The following PCDH15 variants were observed in gnomAD, a reference collection of about 807,000 sequenced individuals.
The protein encoded by PCDH15 is protocadherin related 15.
In PCDH15, 129 loss-of-function variants were observed where a neutral mutation model predicts 178.5. The ratio of observed to expected loss-of-function variants is 0.72; its 90% CI spans 0.63 to 0.84. The LOEUF is 0.84. PCDH15 is among the 40% of genes least tolerant of loss of function. The probability of loss-of-function intolerance (pLI) is 0.00; values close to 1 mark genes in which losing one functional copy is unlikely to be tolerated. For missense variants in PCDH15, 2,230 were observed against 2,099.9 expected (o/e 1.06, Z -1.21); for synonymous variants, 800 against 732.0 (o/e 1.09, Z -1.50).
chr10:54,846,314 G>T (rs1379239956), intron 3 of PCDH15, among the ~76,000 whole-genome samples: 2 of 152,028 alleles, frequency 1.3e-5, no homozygotes, highest in East Asian at 3.9e-4. Context: ...AATTTTTTAG[G>T]TCAACTATTA....
chr10:55,605,290 G>C (rs1298731771), intron 2 of PCDH15, among the ~76,000 whole-genome samples: 2 of 152,152 alleles, frequency 1.3e-5, no homozygotes, highest in African/African-American at 2.4e-5. Flanking sequence ...GGACCAGATG[G>C]ATTCACAGTC....
chr10:54,947,601 ATG>A (rs368636405), intron 2 of PCDH15, among the ~76,000 whole-genome samples: 44 of 151,774 alleles, frequency 2.9e-4, no homozygotes, highest in African/African-American at 1.0e-3. Flanking sequence ...ATGTCTATAT[ATG>A]TGTGTGTGTG....
At chr10:54,234,181 G>A (rs530273486) in intron 9 of PCDH15, among the ~76,000 whole-genome samples, 25 of 139,228 alleles carry the variant, frequency 1.8e-4, no homozygotes, top group Admixed American at 7.1e-5. Context: ...TGTGTGCTGT[G>A]TCTGGTTTTT....
At chr10:54,755,579 G>A (rs1946958348) in intron 1 of PCDH15, among the ~76,000 whole-genome samples, 1 of 152,002 alleles carries the variant, frequency 6.6e-6, no homozygotes, top group African/African-American at 2.4e-5. Context: ...GGAATAAACA[G>A]GGAAGAGAAA....
At chr10:55,167,769 A>C (rs1035307431) in intron 1 of PCDH15, among the ~76,000 whole-genome samples, 1 of 152,152 alleles carries the variant, frequency 6.6e-6, no homozygotes, top group Non-Finnish European at 1.5e-5. Flanking sequence ...TATGGAAAAC[A>C]AAACAATGAT....
chr10:55,235,157 A>T (rs1433834403), intron 1 of PCDH15, among the ~76,000 whole-genome samples: 7 of 152,076 alleles, frequency 4.6e-5, no homozygotes, highest in Admixed American at 3.9e-4. Flanking sequence ...TATTATAATA[A>T]TTTAAATTAG....
At chr10:54,239,766 C>CTATA (rs573196186) in intron 8 of PCDH15, among the ~76,000 whole-genome samples, 10 of 151,852 alleles carry the variant, frequency 6.6e-5, no homozygotes, top group Non-Finnish European at 7.4e-5. Flanking sequence ...TTATCTTGTC[C>CTATA]TATAGAGACT....
intron 20 of PCDH15, among the ~76,000 whole-genome samples, chr10:53,996,295 T>G (rs544887533): frequency 6.6e-6 from 1 of 152,274 alleles, no homozygotes; most frequent in African/African-American, 2.4e-5. Context: ...TGCAGCGCAC[T>G]AAAATAATGA....
intron 2 of PCDH15, among the ~76,000 whole-genome samples, chr10:55,391,698 G>C (rs1202446834): frequency 6.6e-6 from 1 of 151,976 alleles, no homozygotes; most frequent in African/African-American, 2.4e-5. Flanking sequence ...ATGTTGGCCA[G>C]GCTGGTCTCA....
In PCDH15 at chr10:54,162,757, G is replaced by GT. The variant is rs2045841280; in HGVS notation, c.1591-9465dup. ...GGATTGTATCACTTGGGCCTTTTTCGTTGGTTATATTTATCCTAATTTTAC... is the reference window on the plus strand; with the variant it reads ...GGATTGTATCACTTGGGCCTTTTTCGTTTGGTTATATTTATCCTAATTTTAC... On this transcript the variant is annotated intron_variant, in intron 13 of 37. Transcript: ENST00000644397. Among the ~76,000 whole-genome samples the GT allele has an allele frequency of 2.0e-5, 3 of 152,194 alleles. No individual in the cohort carries two copies. The South Asian group carries it at 6.2e-4, about 32-fold the overall frequency.
At chr10:54,245,992 A>T (rs2131996827) in intron 8 of PCDH15, among the ~76,000 whole-genome samples, 1 of 152,076 alleles carries the variant, frequency 6.6e-6, no homozygotes, top group Admixed American at 6.5e-5. Flanking sequence ...ATAATTATAA[A>T]TTCCAGGAAA....
chr10:55,472,866 C>T (rs1381611621), intron 2 of PCDH15, among the ~76,000 whole-genome samples: 1 of 152,178 alleles, frequency 6.6e-6, no homozygotes, highest in East Asian at 1.9e-4. Flanking sequence ...CGAAAACCTT[C>T]CTTGAAAATC....
At chr10:55,393,884 T>G (rs1837859489) in intron 2 of PCDH15, among the ~76,000 whole-genome samples, 1 of 152,200 alleles carries the variant, frequency 6.6e-6, no homozygotes, top group Non-Finnish European at 1.5e-5. Context: ...CCACCTCATT[T>G]TAATGTCAAA....
chr10:55,052,908 G>A (rs558163462), intron 2 of PCDH15, among the ~76,000 whole-genome samples: 1 of 152,206 alleles, frequency 6.6e-6, no homozygotes, highest in African/African-American at 2.4e-5. Context: ...AGTAAACTCA[G>A]GCTGACATAG....
At chr10:54,989,596 G>C (rs1030901174) in intron 2 of PCDH15, among the ~76,000 whole-genome samples, 1 of 152,126 alleles carries the variant, frequency 6.6e-6, no homozygotes, top group Non-Finnish European at 1.5e-5. Flanking sequence ...ACTTGCATGG[G>C]GCCTGTAGCC....
chr10:54,338,896 A>G, intron 6 of PCDH15, among the ~76,000 whole-genome samples: 1 of 152,040 alleles, frequency 6.6e-6, no homozygotes, highest in Non-Finnish European at 1.5e-5. Flanking sequence ...AGACATGATA[A>G]TTATTGTCTA....
chr10:55,461,516 A>G (rs949713570), intron 2 of PCDH15, among the ~76,000 whole-genome samples: 5 of 132,178 alleles, frequency 3.8e-5, no homozygotes, highest in African/African-American at 6.2e-5. Context: ...TTGACAATGC[A>G]TATGAGCTTA....
intron 35 of PCDH15, among the ~76,000 whole-genome samples, chr10:53,814,768 A>G (rs1295549117): frequency 6.6e-6 from 1 of 152,096 alleles, no homozygotes; most frequent in Non-Finnish European, 1.5e-5. Flanking sequence ...GACAGAGACC[A>G]TCCTGGCCAA....
At chr10:54,257,174 ATATAAT>A (rs1243662036) in intron 8 of PCDH15, among the ~76,000 whole-genome samples, 3 of 152,062 alleles carry the variant, frequency 2.0e-5, no homozygotes, top group Admixed American at 2.0e-4. Flanking sequence ...GGAGTTGAAA[ATATAAT>A]TGTAAAGAAA....
Sources: allele counts gnomAD v4.1 joint callset (sites outside exome capture counted in the v4.1 genomes callset), GRCh38; gene constraint gnomAD v4.1.1; transcripts MANE v1.5; gene names NCBI Gene and HGNC (gene_info 2026-07-23, HGNC 2026-07-21).